ARL8B: variants seen among roughly 807,000 people sequenced by gnomAD.
ARL8B encodes the protein ADP-ribosylation factor-like protein 8B.
In ARL8B, 9 loss-of-function variants were observed where a neutral mutation model predicts 30.6. The ratio of observed to expected loss-of-function variants is 0.29; its 90% CI spans 0.18 to 0.51. ARL8B has a LOEUF of 0.51. Among genes scored for constraint, ARL8B ranks in the 20% least tolerant of loss-of-function variants. The pLI is 0.97. For missense variants in ARL8B, 130 were observed against 227.2 expected (o/e 0.57, Z 2.75); for synonymous variants, 74 against 76.0 (o/e 0.97, Z 0.14).
intron 4 of ARL8B, among the ~76,000 whole-genome samples, chr3:5,173,319 A>G (rs1321237286): frequency 6.6e-6 from 1 of 152,210 alleles, no homozygotes; most frequent in Non-Finnish European, 1.5e-5. Flanking sequence ...ACATTTAGGA[A>G]TTTGCATTTG....
In ARL8B at chr3:5,122,400, C is replaced by T. The variant is rs764172755; in HGVS notation, c.-66C>T. The T allele has an allele frequency of 4.4e-6, 7 of 1,605,228 alleles. No homozygotes were observed. The highest frequency in any genetic ancestry group is 3.3e-5 in the South Asian group (3 of 90,234). On this transcript the variant is annotated 5_prime_UTR_variant, in exon 1 of 7. Coordinates refer to ENST00000256496, the MANE Select transcript of ARL8B (RefSeq NM_018184.3). ...TGGAGGGTCCGGGCGGAGGCCCGCT[C>T]GTGTGGAAGTCGTCGACGCCGCCGC...
At chr3:5,139,509 GTTTT>G (rs944694916) in intron 1 of ARL8B, among the ~76,000 whole-genome samples, 1 of 152,136 alleles carries the variant, frequency 6.6e-6, no homozygotes, top group Non-Finnish European at 1.5e-5. Flanking sequence ...ACATTTATAA[GTTTT>G]TTTATTCTAA....
chr3:5,126,021 A>C (rs1417212760), intron 1 of ARL8B, among the ~76,000 whole-genome samples: 8 of 152,186 alleles, frequency 5.3e-5, no homozygotes, highest in Non-Finnish European at 1.2e-4. Flanking sequence ...TTGTCAATTA[A>C]AAGTAATATT....
chr3:5,138,242 A>G (rs1167997649), intron 1 of ARL8B, among the ~76,000 whole-genome samples: 1 of 150,432 alleles, frequency 6.6e-6, no homozygotes, highest in Non-Finnish European at 1.5e-5. Flanking sequence ...TCTATTTACA[A>G]CCTCTCAATT....
At chr3:5,170,663 T>C in intron 2 of ARL8B, 80 bp downstream of exon 2, 1 of 1,112,996 alleles carries the variant, frequency 9.0e-7, no homozygotes, top group Non-Finnish European at 1.3e-6. Context: ...TCTGTGTTTT[T>C]ACTGAAAATT....
At chr3:5,134,190 T>A (rs2054306417) in intron 1 of ARL8B, among the ~76,000 whole-genome samples, 1 of 152,226 alleles carries the variant, frequency 6.6e-6, no homozygotes, top group Non-Finnish European at 1.5e-5. Flanking sequence ...TTCTACTGAT[T>A]GCTGTCACTT....
At chr3:5,146,708 G>C (rs1473026137) in intron 1 of ARL8B, among the ~76,000 whole-genome samples, 2 of 152,152 alleles carry the variant, frequency 1.3e-5, no homozygotes, top group East Asian at 3.9e-4. Context: ...CAGGAGGTTA[G>C]TTTCTGCTTT....
intron 1 of ARL8B, among the ~76,000 whole-genome samples, chr3:5,131,472 C>T (rs924211368): frequency 1.3e-5 from 2 of 151,406 alleles, no homozygotes; most frequent in Admixed American, 6.6e-5. Context: ...CTCACTGCAA[C>T]CTCCGCCTCC....
chr3:5,161,592 G>C (rs2054581383), intron 1 of ARL8B, among the ~76,000 whole-genome samples: 1 of 152,192 alleles, frequency 6.6e-6, no homozygotes, highest in Admixed American at 6.5e-5. Flanking sequence ...TAGGCACTTA[G>C]GAGAAGTGGC....
chr3:5,123,736 C>T (rs1412327535), intron 1 of ARL8B, among the ~76,000 whole-genome samples: 1 of 152,100 alleles, frequency 6.6e-6, no homozygotes, highest in African/African-American at 2.4e-5. Flanking sequence ...GATTCTTAGT[C>T]CTTGCACTAA....
chr3:5,151,784 T>C (rs963553028), intron 1 of ARL8B, among the ~76,000 whole-genome samples: 1 of 139,506 alleles, frequency 7.2e-6, no homozygotes, highest in Non-Finnish European at 1.5e-5. Context: ...TGGTGTGTGA[T>C]CACGGCTGGC....
chr3:5,156,391 C>CTT (rs201579864), intron 1 of ARL8B, among the ~76,000 whole-genome samples: 50 of 137,014 alleles, frequency 3.6e-4, no homozygotes, highest in Non-Finnish European at 7.2e-4. Context: ...AGTTTACTGC[C>CTT]TTTTTTTTTT....
At chr3:5,129,445 T>C (rs961017525) in intron 1 of ARL8B, among the ~76,000 whole-genome samples, 10 of 152,218 alleles carry the variant, frequency 6.6e-5, no homozygotes, top group Admixed American at 2.6e-4. Context: ...GAACGGTATT[T>C]TAAAATTATC....
chr3:5,124,141 T>C (rs1007923329), intron 1 of ARL8B, among the ~76,000 whole-genome samples: 9 of 152,136 alleles, frequency 5.9e-5, no homozygotes, highest in Admixed American at 5.9e-4. Context: ...AATGCTGGGA[T>C]TGCAGGTGTG....
At chr3:5,122,636 C>T (rs776516674) in intron 1 of ARL8B, 48 bp downstream of exon 1, 2 of 1,559,460 alleles carry the variant, frequency 1.3e-6, no homozygotes, top group Non-Finnish European at 1.7e-6. Flanking sequence ...GCCAGGAGTC[C>T]GGCCCGGCGC....
intron 1 of ARL8B, among the ~76,000 whole-genome samples, chr3:5,169,656 G>C (rs2054654027): frequency 6.6e-6 from 1 of 151,368 alleles, no homozygotes; most frequent in African/African-American, 2.4e-5. Context: ...TTAGTGAGTC[G>C]AACGTCTTTT....
chr3:5,149,887 G>A (rs2054464123), intron 1 of ARL8B, among the ~76,000 whole-genome samples: 1 of 152,222 alleles, frequency 6.6e-6, no homozygotes, highest in South Asian at 2.1e-4. Context: ...CATGATAGAT[G>A]TTTTAGTCAA....
At chr3:5,171,241 CT>C (rs1271701971) in intron 2 of ARL8B, among the ~76,000 whole-genome samples, 1 of 152,182 alleles carries the variant, frequency 6.6e-6, no homozygotes, top group African/African-American at 2.4e-5. Flanking sequence ...AAGATTAATA[CT>C]GTGACTTGAG....
intron 1 of ARL8B, among the ~76,000 whole-genome samples, chr3:5,122,907 T>A (rs2054195703): frequency 6.6e-6 from 1 of 152,156 alleles, no homozygotes; most frequent in Admixed American, 6.5e-5. Flanking sequence ...GGGATTGGGG[T>A]TTCCCTTGGG....
Sources: gnomAD v4.1 joint callset for allele counts (sites outside exome capture counted in the v4.1 genomes callset) on GRCh38, gnomAD v4.1.1 for gene constraint, MANE v1.5 for transcripts, NCBI Gene and HGNC (gene_info 2026-07-23, HGNC 2026-07-21) for gene names.